The following EPHB1 variants were observed in gnomAD, a reference collection of about 807,000 sequenced individuals.
EPHB1 encodes the protein ephrin type-B receptor 1.
In EPHB1, 30 loss-of-function variants were observed where a neutral mutation model predicts 94.4. That is an observed-to-expected ratio of 0.32 (90% CI 0.24 to 0.43). EPHB1 has a LOEUF of 0.43. EPHB1 is among the 20% of genes least tolerant of loss of function. EPHB1 has a pLI of 1.00. For synonymous variants in EPHB1, 522 were observed against 489.1 expected (o/e 1.07, Z -0.89); for missense variants, 1,055 against 1,308.3 (o/e 0.81, Z 2.99).
chr3:134,890,085 A>C (rs2037946533), intron 1 of EPHB1, among the ~76,000 whole-genome samples: 1 of 152,180 alleles, frequency 6.6e-6, no homozygotes, highest in Non-Finnish European at 1.5e-5. Context: ...AATATACTCT[A>C]CAAACGCAGA....
chr3:135,235,882 A>T (rs1943639467), intron 12 of EPHB1, among the ~76,000 whole-genome samples: 1 of 152,128 alleles, frequency 6.6e-6, no homozygotes, highest in Non-Finnish European at 1.5e-5. Context: ...GAAATGTTAG[A>T]GGGGCCCTGT....
chr3:135,106,468 A>C lies in EPHB1; in HGVS notation c.826A>C (p.Lys276Gln). 1 of 1,613,958 alleles carries C rather than the reference A, an allele frequency of 6.2e-7. No homozygotes were observed. Among genetic ancestry groups the C allele is most frequent in the Non-Finnish European group, 8.5e-7 (1 of 1,179,890 alleles). The change falls in exon 4 of 16, where the codon AAG becomes CAG. Residue 276 changes from lysine (K) to glutamine (Q), a missense_variant. Lys to Gln is a moderately conservative substitution (Grantham distance 53). Transcript: ENST00000398015. ...ACKACPAGTF[K>Q]ASQEAEGCSH... ...TCTAGCTTGCCCTGCAGGGACATTC[A>C]AGGCCAGCCAGGAAGCTGAAGGCTG...
At chr3:135,020,597 T>G (rs1935956824) in intron 3 of EPHB1, among the ~76,000 whole-genome samples, 1 of 152,234 alleles carries the variant, frequency 6.6e-6, no homozygotes, top group South Asian at 2.1e-4. Flanking sequence ...TCTCAATACC[T>G]CAATTTGCCA....
intron 3 of EPHB1, among the ~76,000 whole-genome samples, chr3:135,022,104 C>T (rs1231328421): frequency 4.6e-5 from 7 of 152,222 alleles, no homozygotes; most frequent in Non-Finnish European, 5.9e-5. Context: ...CCCAGCCTCC[C>T]GAGTAGCTGG....
intron 3 of EPHB1, among the ~76,000 whole-genome samples, chr3:134,968,348 T>C (rs1277639446): frequency 6.6e-6 from 1 of 152,172 alleles, no homozygotes; most frequent in East Asian, 1.9e-4. Flanking sequence ...CATATATGAA[T>C]TGTGGGAAGA....
intron 1 of EPHB1, among the ~76,000 whole-genome samples, chr3:134,893,501 T>C (rs2038027648): frequency 6.6e-6 from 1 of 151,994 alleles, no homozygotes; most frequent in Admixed American, 6.6e-5. Context: ...CCACACCCCC[T>C]ACACTCACAT....
intron 3 of EPHB1, among the ~76,000 whole-genome samples, chr3:135,015,293 T>G (rs1935758788): frequency 6.6e-6 from 1 of 151,326 alleles, no homozygotes; most frequent in South Asian, 2.1e-4. Flanking sequence ...CAGGCTGGAG[T>G]GCAGTGGCAT....
chr3:134,795,604 G>C lies in EPHB1; in HGVS notation c.-28G>C, dbSNP rs201195964. On this transcript the variant is annotated 5_prime_UTR_variant, in exon 1 of 16. Transcript: ENST00000398015. ...CTCCCGGCGCTGCTGCCTCGGCTTGGTCTCGGCCTGCGGGCCGTCGGCCGG... is the reference window on the plus strand; with the variant it reads ...CTCCCGGCGCTGCTGCCTCGGCTTGCTCTCGGCCTGCGGGCCGTCGGCCGG... 1 of 1,603,664 alleles carries C rather than the reference G, an allele frequency of 6.2e-7. No homozygotes were observed. Among genetic ancestry groups the C allele is most frequent in the East Asian group, 2.3e-5 (1 of 43,322 alleles).
intron 3 of EPHB1, among the ~76,000 whole-genome samples, chr3:134,993,228 A>G (rs1934876548): frequency 6.6e-6 from 1 of 152,248 alleles, no homozygotes; most frequent in Non-Finnish European, 1.5e-5. Flanking sequence ...AGGCCTGGGA[A>G]GCAATCCAGC....
chr3:135,234,876 GGGGAT>G (rs1482814915), intron 12 of EPHB1, among the ~76,000 whole-genome samples: 1 of 152,196 alleles, frequency 6.6e-6, no homozygotes. Context: ...TACAATAAGT[GGGGAT>G]TAGGGGAACT....
At chr3:135,194,210 C>G (rs1223739210) in intron 11 of EPHB1, among the ~76,000 whole-genome samples, 5 of 152,184 alleles carry the variant, frequency 3.3e-5, no homozygotes, top group African/African-American at 1.2e-4. Flanking sequence ...TCAATGTCTT[C>G]TTAAACATGA....
chr3:135,116,119 CAGG>C (rs1939694642), intron 4 of EPHB1, among the ~76,000 whole-genome samples: 1 of 152,142 alleles, frequency 6.6e-6, no homozygotes, highest in African/African-American at 2.4e-5. Flanking sequence ...GAGGCTGAGG[CAGG>C]ATAATCGCTT....
intron 1 of EPHB1, among the ~76,000 whole-genome samples, chr3:134,876,598 A>T (rs566994889): frequency 6.6e-6 from 1 of 152,224 alleles, no homozygotes; most frequent in South Asian, 2.1e-4. Context: ...TGAAATGGAG[A>T]CAGTACATGT....
intron 3 of EPHB1, among the ~76,000 whole-genome samples, chr3:135,087,198 C>A (rs775230148): frequency 5.6e-4 from 85 of 152,160 alleles, no homozygotes; most frequent in Non-Finnish European, 1.1e-3. Flanking sequence ...ATGTGCTTTG[C>A]TTGATGAACC....
chr3:135,073,570 A>G (rs1203604607), intron 3 of EPHB1, among the ~76,000 whole-genome samples: 1 of 152,216 alleles, frequency 6.6e-6, no homozygotes, highest in African/African-American at 2.4e-5. Flanking sequence ...AAATAACCGT[A>G]ATACCATTAT....
intron 1 of EPHB1, among the ~76,000 whole-genome samples, chr3:134,865,085 T>TGC (rs2037345461): frequency 6.6e-6 from 1 of 152,102 alleles, no homozygotes; most frequent in Non-Finnish European, 1.5e-5. Flanking sequence ...TGTGTGTGTG[T>TGC]GCATGTGTGT....
At chr3:135,151,491 TC>T (rs1158697600) in intron 5 of EPHB1, among the ~76,000 whole-genome samples, 1 of 152,172 alleles carries the variant, frequency 6.6e-6, no homozygotes, top group Admixed American at 6.5e-5. Context: ...TGTGTCCCTT[TC>T]CCCTTTCCAT....
intron 4 of EPHB1, among the ~76,000 whole-genome samples, chr3:135,132,383 A>G (rs987603735): frequency 1.3e-5 from 2 of 152,200 alleles, no homozygotes; most frequent in Non-Finnish European, 2.9e-5. Flanking sequence ...TATACATTTT[A>G]TTAACCCTAA....
Position 135,097,001 on chromosome 3 carries a change from C to T in EPHB1, c.806-9447C>T, listed in dbSNP as rs1009808342. 4.0e-4 allele frequency among the ~76,000 whole-genome samples: 60 copies of T among 149,390 alleles called. 2 individuals are homozygous for T. Among genetic ancestry groups the T allele is most frequent in the Non-Finnish European group, 4.4e-5 (3 of 67,750 alleles). ...GTCCCAGCTACTTTGGAGGCTGAGG[C>T]AGGAGTATCGCTTGAACCCTGGAGG... is the stretch of plus-strand genomic sequence containing the variant. On this transcript the variant is annotated intron_variant, in intron 3 of 15. Transcript: ENST00000398015.
Sources: allele counts gnomAD v4.1 joint callset (sites outside exome capture counted in the v4.1 genomes callset), GRCh38; gene constraint gnomAD v4.1.1; transcripts MANE v1.5; gene names NCBI Gene and HGNC (gene_info 2026-07-23, HGNC 2026-07-21).